Variants in ACCSL observed in about 807,000 individuals in gnomAD.
The protein encoded by ACCSL is 1-aminocyclopropane-1-carboxylate synthase homolog (inactive) like, also known as probable inactive 1-aminocyclopropane-1-carboxylate synthase-like protein 2.
A neutral mutation model predicts 61.7 loss-of-function variants in ACCSL; 55 were observed. That is an observed-to-expected ratio of 0.89 (90% CI 0.72 to 1.12). ACCSL has a LOEUF of 1.12. ACCSL is among the 50% of genes most tolerant of loss of function. The pLI is 0.00. For synonymous variants in ACCSL, 258 were observed against 264.3 expected, an observed-to-expected ratio of 0.98 and a Z score of 0.23; for missense variants, 632 against 698.0, an observed-to-expected ratio of 0.91 and a Z score of 1.07.
chr11:44,033,544 C>T, the ACCSL span, among the ~76,000 whole-genome samples: 4,412 of 152,268 alleles, frequency 0.029, 101 homozygotes, highest in Non-Finnish European at 0.046. Flanking sequence ...CCCAGCATGC[C>T]CAGGGCTGAG....
rs767184400 is a variant in ACCSL, at chr11:44,058,696, T to C, written c.1621T>C (p.Leu541=). The C allele has an allele frequency of 9.3e-6, 15 of 1,609,804 alleles. No individual in the cohort carries two copies. The highest frequency in any genetic ancestry group is 5.0e-5 in the Admixed American group (3 of 59,800). The stretch of plus-strand genomic sequence containing the variant: ...TGCAGATGAGCTCCCCCGGCTAAAA[T>C]TGGGTGAGTGGAGCTGACCTCCCAA... The part of the protein sequence containing the change: ...IFADELPRLK[L]AMRRFCDVLQ... Residue 541 remains leucine (L), a synonymous_variant, in exon 13 of 14, where the codon TTG becomes CTG. Transcript: ENST00000378832.
chr11:43,943,363 G>T, the ACCSL span: 1 of 1,390,644 alleles, frequency 7.2e-7, no homozygotes, highest in South Asian at 1.7e-5. The surrounding 1 kb of genome is among the most constrained non-coding windows in gnomAD (Gnocchi z 4.8). Flanking sequence ...CCTGCTCCCG[G>T]GGGACCCGCA....
At chr11:44,025,952 CTTG>C in the ACCSL span, among the ~76,000 whole-genome samples, 1 of 152,192 alleles carries the variant, frequency 6.6e-6, no homozygotes, top group South Asian at 2.1e-4. Flanking sequence ...TAACTTTGCT[CTTG>C]TTGTGTTCAA....
chr11:43,979,482 TAG>T, the ACCSL span, among the ~76,000 whole-genome samples: 1 of 152,196 alleles, frequency 6.6e-6, no homozygotes, highest in Non-Finnish European at 1.5e-5. Flanking sequence ...AAGCCATTCA[TAG>T]AGAGTTTAGA....
the ACCSL span, among the ~76,000 whole-genome samples, chr11:43,978,783 GTTTTTTTTTTTTTTT>G: frequency 3.8e-5 from 3 of 79,084 alleles, no homozygotes; most frequent in Non-Finnish European, 2.3e-5. Flanking sequence ...GAGAAGGTGG[GTTTTTTTTTTTTTTT>G]TTTTTTTTTT....
chr11:43,982,226 CTTTTTTTTTTTTTTT>C, the ACCSL span, among the ~76,000 whole-genome samples: 2 of 86,324 alleles, frequency 2.3e-5, no homozygotes, highest in African/African-American at 4.2e-5. Context: ...CCAAGGCCCT[CTTTTTTTTTTTTTTT>C]TTTTTTTTGA....
chr11:44,056,247 T>C lies in ACCSL; in HGVS notation c.1248T>C (p.Ser416=). 1 of 1,614,230 alleles carries C rather than the reference T, an allele frequency of 6.2e-7. No homozygotes were observed. The change falls in exon 11 of 14, where the codon TCT becomes TCC. Residue 416 remains serine, a synonymous_variant. Coordinates refer to ENST00000378832, the MANE Select transcript of ACCSL (RefSeq NM_001031854.2). ...ATACCCACAACAAGGAGGTGGCCTC[T>C]GCTGTGAGTGCCTTTGGCTACCTCC... is the stretch of plus-strand genomic sequence containing the variant. ...ALYTHNKEVA[S]AVSAFGYLHS...
rs1952639005 is a variant in ACCSL at position 44,051,534 on chromosome 11, T to C, written c.706-119T>C. The C allele has an allele frequency of 6.5e-6, 10 of 1,532,688 alleles. No homozygotes were observed. The East Asian group carries it at 6.8e-5, about 10-fold the overall frequency. 94.9% of individuals were successfully genotyped at this position (1,532,688 alleles called of 1,614,324 possible). A position where few individuals can be genotyped will look rare whatever the true frequency, so the allele number is the denominator to read the frequency against. ...AGGGCCAGGGCAGCATGAAGGCCAA[T>C]GTGTCCCAACTGAGGAGGCTCCCTG... On this transcript the variant is annotated intron_variant, in intron 4 of 13. Coordinates refer to ENST00000378832, the MANE Select transcript of ACCSL (RefSeq NM_001031854.2).
chr11:44,017,014 GC>G, the ACCSL span, among the ~76,000 whole-genome samples: 2 of 152,148 alleles, frequency 1.3e-5, no homozygotes, highest in Non-Finnish European at 2.9e-5. Context: ...TATTTATAGA[GC>G]CCTGTCAGGT....
At chr11:44,057,533 A>G (rs750206877) in intron 11 of ACCSL, among the ~76,000 whole-genome samples, 57 of 152,218 alleles carry the variant, frequency 3.7e-4, no homozygotes, top group Non-Finnish European at 2.1e-4. Flanking sequence ...AAAGATCCTG[A>G]TATAGCCTGA....
chr11:44,024,441 C>CTCTGTGTG, the ACCSL span, among the ~76,000 whole-genome samples: 3 of 132,014 alleles, frequency 2.3e-5, no homozygotes, highest in African/African-American at 8.4e-5. Context: ...CTCTCTCTCT[C>CTCTGTGTG]TGTGTGTGTG....
At chr11:44,027,982 G>C in the ACCSL span, among the ~76,000 whole-genome samples, 1 of 152,152 alleles carries the variant, frequency 6.6e-6, no homozygotes, top group Non-Finnish European at 1.5e-5. Context: ...CTGCACAACA[G>C]AGTGAAACTC....
the ACCSL span, among the ~76,000 whole-genome samples, chr11:43,967,550 T>C: frequency 1.3e-5 from 2 of 152,200 alleles, no homozygotes; most frequent in African/African-American, 4.8e-5. Flanking sequence ...ATTTGTTTTA[T>C]ATCCATTTTT....
the ACCSL span, among the ~76,000 whole-genome samples, chr11:44,000,687 C>G: frequency 2.8e-5 from 4 of 144,048 alleles, no homozygotes; most frequent in Non-Finnish European, 4.5e-5. Context: ...CATACCTCTG[C>G]ACTCCAGCCT....
chr11:44,053,058 C>G lies in ACCSL; in HGVS notation c.938C>G (p.Ala313Gly), dbSNP rs767924326. Reference protein sequence around the residue: ...VDKLEEALLEARLEGKKVRGL... With the variant: ...VDKLEEALLEGRLEGKKVRGL... ...AAGTTAGAGGAAGCCCTGCTTGAAG[C>G]TAGGCTTGAGGTAAGGTGGGAACCA... The change falls in exon 7 of 14, where the codon GCT becomes GGT. Residue 313 changes from alanine (A) to glycine (G), a missense_variant. Coordinates refer to ENST00000378832, the MANE Select transcript of ACCSL (RefSeq NM_001031854.2). 2.4e-5 allele frequency: 39 copies of G among 1,613,978 alleles called. No individual in the cohort carries two copies. In the South Asian group the frequency reaches 4.2e-4, roughly 17 times the overall value.
At chr11:44,051,792 C>A (rs1029936697) in intron 5 of ACCSL, 73 bp downstream of exon 5, 35 of 1,571,830 alleles carry the variant, frequency 2.2e-5, no homozygotes, top group Non-Finnish European at 2.9e-5. Flanking sequence ...GGGCACTGGA[C>A]TTTGAGGAAG....
chr11:43,961,715 CTT>C, the ACCSL span, among the ~76,000 whole-genome samples: 2 of 129,736 alleles, frequency 1.5e-5, no homozygotes, highest in East Asian at 2.2e-4. Flanking sequence ...CTCTCTCTCT[CTT>C]TCTCTTTCTC....
chr11:43,946,426 AT>A, the ACCSL span, among the ~76,000 whole-genome samples: 24 of 152,120 alleles, frequency 1.6e-4, no homozygotes, highest in African/African-American at 5.5e-4. Context: ...TATTCTTGTA[AT>A]TTTTTATTGC....
the ACCSL span, among the ~76,000 whole-genome samples, chr11:43,994,005 A>G: frequency 0.28 from 42,778 of 152,116 alleles, 6,586 homozygotes; most frequent in South Asian, 0.36. Flanking sequence ...TTCCTGATGC[A>G]TCAGGTTTGC....
Sources: gnomAD v4.1 joint callset for allele counts (sites outside exome capture counted in the v4.1 genomes callset) on GRCh38, gnomAD v4.1.1 for gene constraint, Gnocchi (gnomAD v3.1) non-coding constraint, MANE v1.5 for transcripts, NCBI Gene and HGNC (gene_info 2026-07-23, HGNC 2026-07-21) for gene names.